CTNNBL1: variants seen among roughly 807,000 people sequenced by gnomAD.
The protein encoded by CTNNBL1 is catenin beta like 1.
A neutral mutation model predicts 72.7 loss-of-function variants in CTNNBL1; 31 were observed. That is an observed-to-expected ratio of 0.43 (90% confidence interval 0.32 to 0.58). The LOEUF (loss-of-function observed/expected upper bound fraction) is 0.58. Ranked by LOEUF, CTNNBL1 falls within the 20% of genes least tolerant of loss-of-function variation. The pLI, the probability that CTNNBL1 is intolerant of heterozygous loss-of-function variation, is 0.08. For missense variants in CTNNBL1, 534 were observed against 725.1 expected, an observed-to-expected ratio of 0.74 and a Z score of 3.03; for synonymous variants, 240 against 267.3, an observed-to-expected ratio of 0.90 and a Z score of 1.00.
intron 11 of CTNNBL1, among the ~76,000 whole-genome samples, chr20:37,817,224 A>T (rs2072068071): frequency 6.6e-6 from 1 of 152,218 alleles, no homozygotes; most frequent in Non-Finnish European, 1.5e-5. Context: ...AAGAAGTTAC[A>T]TGAATTTTAA....
At chr20:37,835,926 C>T (rs960927408) in intron 11 of CTNNBL1, among the ~76,000 whole-genome samples, 5 of 152,170 alleles carry the variant, frequency 3.3e-5, no homozygotes, top group African/African-American at 1.2e-4. Flanking sequence ...CACAAGGTAC[C>T]TTGTAGTTTT....
At chr20:37,795,873 A>G (rs1054945764) in intron 10 of CTNNBL1, among the ~76,000 whole-genome samples, 19 of 148,764 alleles carry the variant, frequency 1.3e-4, no homozygotes, top group African/African-American at 4.7e-4. Context: ...GGAAATTCAA[A>G]TATTGTGAAT....
At chr20:37,778,898 T>C (rs1426634058) in intron 9 of CTNNBL1, among the ~76,000 whole-genome samples, 1 of 152,222 alleles carries the variant, frequency 6.6e-6, no homozygotes, top group Non-Finnish European at 1.5e-5. Context: ...TAAAAAGATT[T>C]TGTTTTTTAT....
intron 11 of CTNNBL1, among the ~76,000 whole-genome samples, chr20:37,809,268 A>G (rs1475561760): frequency 6.6e-6 from 1 of 152,258 alleles, no homozygotes; most frequent in Non-Finnish European, 1.5e-5. Context: ...GTTAAAGGGA[A>G]CACAAGAACA....
At chr20:37,839,237 A>G (rs17786860) in intron 11 of CTNNBL1, among the ~76,000 whole-genome samples, 124,430 of 152,152 alleles carry the variant, frequency 0.82, 50,935 homozygotes, top group Middle Eastern at 0.89. Flanking sequence ...CAGTAGTCAG[A>G]TGACATTCTT....
Position 37,803,005 on chromosome 20 carries a change from C to T in CTNNBL1, c.1170C>T (p.Pro390=), listed in dbSNP as rs777754286. 2.5e-6 allele frequency: 4 copies of T among 1,613,822 alleles called. No individual in the cohort carries two copies. Among genetic ancestry groups the T allele is most frequent in the Non-Finnish European group, 3.4e-6 (4 of 1,179,988 alleles). ...TCTTTCCCCTCTTTATGAAATCTCC[C>T]AGGAAGATCAAGAAAGTGGGAACCA... ...RTIFPLFMKS[P]RKIKKVGTTE... The change falls in exon 11 of 16, where the codon CCC becomes CCT. Residue 390 remains proline (P), a synonymous_variant. Transcript: ENST00000361383.
chr20:37,825,796 T>C (rs1323789762), intron 11 of CTNNBL1, among the ~76,000 whole-genome samples: 1 of 152,068 alleles, frequency 6.6e-6, no homozygotes, highest in Non-Finnish European at 1.5e-5. Context: ...CTTCTCTGAG[T>C]TCCTCAAGTC....
chr20:37,758,705 C>G (rs1331801290), intron 5 of CTNNBL1, among the ~76,000 whole-genome samples: 2 of 152,202 alleles, frequency 1.3e-5, no homozygotes, highest in South Asian at 2.1e-4. Context: ...GTGGATTGTT[C>G]TTCTTCTGTT....
chr20:37,753,225 G>A (rs2073336168), intron 4 of CTNNBL1, among the ~76,000 whole-genome samples: 2 of 152,154 alleles, frequency 1.3e-5, no homozygotes, highest in Non-Finnish European at 2.9e-5. Context: ...AAATCAGTTA[G>A]TGGTAGGATT....
intron 1 of CTNNBL1, among the ~76,000 whole-genome samples, chr20:37,695,902 G>C (rs1219947744): frequency 6.6e-6 from 1 of 152,188 alleles, no homozygotes; most frequent in African/African-American, 2.4e-5. Context: ...ACAAGAAATT[G>C]ACCCTGGACG....
intron 10 of CTNNBL1, among the ~76,000 whole-genome samples, chr20:37,788,497 C>G (rs1482405512): frequency 6.6e-6 from 1 of 152,184 alleles, no homozygotes; most frequent in Admixed American, 6.5e-5. Flanking sequence ...TCTGTTTTCC[C>G]TGTCAAATTT....
Position 37,842,344 on chromosome 20 carries a change from CAG to C in CTNNBL1, c.1319_1320del (p.Arg440ThrfsTer7). 6.2e-7 allele frequency: 1 copy of C among 1,611,502 alleles called. No individual in the cohort carries two copies. The highest frequency in any genetic ancestry group is 8.5e-7 in the Non-Finnish European group (1 of 1,177,558). ...CTGTGAAATCTCTCTTTCAGGTTGA[CAG>C]ACTAATGGAGTTGCATTTTAAATAT... ...FTENDSEKVD[R>X]LMELHFKYLG... On this transcript the variant is annotated frameshift_variant, in exon 13 of 16. Transcript: ENST00000361383. LOFTEE classifies it high-confidence loss of function.
chr20:37,856,654 A>T (rs1409694627), intron 13 of CTNNBL1, among the ~76,000 whole-genome samples: 2 of 151,844 alleles, frequency 1.3e-5, no homozygotes. Flanking sequence ...AAGGTGCTCC[A>T]TTCTGCTGTC....
chr20:37,777,970 G>C (rs1428038376), intron 9 of CTNNBL1, among the ~76,000 whole-genome samples: 1 of 152,176 alleles, frequency 6.6e-6, no homozygotes, highest in Non-Finnish European at 1.5e-5. Flanking sequence ...CAAAAAAGAT[G>C]TGCCTCATGC....
chr20:37,739,078 CTGTGTGTGTGTGTGTG>C (rs34184566), intron 3 of CTNNBL1, among the ~76,000 whole-genome samples: 9 of 147,454 alleles, frequency 6.1e-5, no homozygotes, highest in East Asian at 6.0e-4. Flanking sequence ...TACAGGAGCA[CTGTGTGTGTGTGTGTG>C]TGTGTGTGTG....
At chr20:37,770,413 G>C (rs1297901129) in intron 7 of CTNNBL1, among the ~76,000 whole-genome samples, 1 of 152,188 alleles carries the variant, frequency 6.6e-6, no homozygotes, top group African/African-American at 2.4e-5. Flanking sequence ...GTAGCCACAC[G>C]TTAGGGACGC....
intron 6 of CTNNBL1, among the ~76,000 whole-genome samples, chr20:37,765,646 C>A (rs182638763): frequency 2.0e-5 from 3 of 152,138 alleles, no homozygotes; most frequent in African/African-American, 7.2e-5. Context: ...CCTTTTAAGT[C>A]GTTTTTTCTT....
At chr20:37,763,805 C>G (rs1271062268) in intron 5 of CTNNBL1, among the ~76,000 whole-genome samples, 2 of 152,186 alleles carry the variant, frequency 1.3e-5, no homozygotes, top group Non-Finnish European at 2.9e-5. Flanking sequence ...GGCTAATTAA[C>G]CTCTCAGAGC....
intron 10 of CTNNBL1, among the ~76,000 whole-genome samples, chr20:37,796,325 G>A (rs902174625): frequency 2.6e-5 from 4 of 152,044 alleles, no homozygotes; most frequent in African/African-American, 9.7e-5. Flanking sequence ...TTGCTCTGCC[G>A]GACTCCTAGC....
Sources: gnomAD v4.1 joint callset for allele counts (sites outside exome capture counted in the v4.1 genomes callset) on GRCh38, gnomAD v4.1.1 for gene constraint, MANE v1.5 for transcripts, NCBI Gene and HGNC (gene_info 2026-07-23, HGNC 2026-07-21) for gene names.